The following EPB41 variants were observed in gnomAD, a reference collection of about 807,000 sequenced individuals.
EPB41 encodes the protein erythrocyte membrane protein band 4.1, also known as protein 4.1.
In EPB41, 65 loss-of-function variants were observed where a neutral mutation model predicts 108.0. The observed-to-expected ratio is 0.60, with a 90% CI of 0.49 to 0.74. EPB41 has a LOEUF of 0.74. Among genes scored for constraint, EPB41 ranks in the 30% least tolerant of loss-of-function variants. The pLI is 0.00. For synonymous variants in EPB41, 336 were observed against 358.9 expected (o/e 0.94, Z 0.72); for missense variants, 875 against 1,037.0 (o/e 0.84, Z 2.15).
At chr1:28,902,147 T>A (rs1486907724) in intron 1 of EPB41, 3 of 977,746 alleles carry the variant, frequency 3.1e-6, no homozygotes, top group African/African-American at 3.5e-5. Context: ...CACAGTAGAA[T>A]CTCAATAAAT....
intron 7 of EPB41, among the ~76,000 whole-genome samples, chr1:29,022,195 G>A (rs1449249343): frequency 6.6e-6 from 1 of 151,904 alleles, no homozygotes; most frequent in Admixed American, 6.6e-5. Flanking sequence ...ATAACTTGGT[G>A]AACAAGTATT....
chr1:28,889,779 A>G, intron 1 of EPB41: 7 of 985,018 alleles, frequency 7.1e-6, no homozygotes, highest in Non-Finnish European at 8.4e-6. Context: ...CAGGTGTGGA[A>G]CCAAACCGAG....
At chr1:28,914,012 A>G (rs1380418098), upstream of EPB41, among the ~76,000 whole-genome samples, 2 of 152,170 alleles carry the variant, frequency 1.3e-5, no homozygotes, top group Non-Finnish European at 2.9e-5. Context: ...ACGAGAGGTA[A>G]AGTCTCATCG....
chr1:28,961,884 G>T (rs542257620), intron 1 of EPB41, among the ~76,000 whole-genome samples: 1 of 152,078 alleles, frequency 6.6e-6, no homozygotes, highest in East Asian at 1.9e-4. Flanking sequence ...GAGCAAACTG[G>T]TTCCTCCTCT....
Position 28,887,589 on chromosome 1 carries a change from C to T in EPB41, c.-8+379C>T. ...CGGCCGCCCCCTAGCCCCGCCTTGC[C>T]CGGCCCCGCATGCTCCTGCCGGGCC... is the stretch of plus-strand genomic sequence containing the variant. On this transcript the variant is annotated intron_variant, in intron 1 of 16. Coordinates refer to the EPB41 transcript ENST00000347529. The surrounding 1 kb of genome is among the most constrained non-coding windows in gnomAD (Gnocchi z 4.9). The T allele has an allele frequency of 2.0e-6, 2 of 985,264 alleles. No individual in the cohort carries two copies. The highest frequency in any genetic ancestry group is 1.1e-4 in the East Asian group (1 of 8,788). The allele number at this position is 985,264 out of a possible 1,614,324, so 61.0% of individuals were successfully genotyped here. A position where few individuals can be genotyped will look rare whatever the true frequency, so the allele number is the denominator to read the frequency against.
chr1:29,011,362 CT>C (rs2096497763), intron 4 of EPB41, among the ~76,000 whole-genome samples: 1 of 147,870 alleles, frequency 6.8e-6, no homozygotes, highest in African/African-American at 2.5e-5. Context: ...GAGACTCCTT[CT>C]CAAAAAGAAA....
At chr1:29,041,147 T>TTAAA (rs35491137) in intron 11 of EPB41, 44,316 of 140,902 alleles carry the variant, frequency 0.31, 7,430 homozygotes, top group Non-Finnish European at 0.37. Flanking sequence ...AATAAATAAA[T>TTAAA]TAAATAAATA....
intron 16 of EPB41, chr1:29,096,465 G>A: frequency 1.0e-6 from 1 of 985,906 alleles, no homozygotes; most frequent in Non-Finnish European, 1.2e-6. Flanking sequence ...CCAGCTTCCT[G>A]TCAGCTGCAA....
At chr1:29,061,579 T>G (rs1187466883) in intron 15 of EPB41, among the ~76,000 whole-genome samples, 3 of 134,470 alleles carry the variant, frequency 2.2e-5, no homozygotes, top group Non-Finnish European at 3.2e-5. Flanking sequence ...TTTGTTTTTT[T>G]TTTTTTTTTT....
chr1:29,052,833 C>G (rs1396217796), intron 11 of EPB41, among the ~76,000 whole-genome samples: 4 of 151,988 alleles, frequency 2.6e-5, no homozygotes, highest in Admixed American at 2.6e-4. Context: ...TATTTCTTTT[C>G]TTTGATCTTG....
intron 8 of EPB41, among the ~76,000 whole-genome samples, chr1:29,032,574 C>T (rs1031888168): frequency 6.6e-6 from 1 of 152,046 alleles, no homozygotes; most frequent in African/African-American, 2.4e-5. Flanking sequence ...TAGGGACTAA[C>T]TTAGGTGAAA....
intron 1 of EPB41, among the ~76,000 whole-genome samples, chr1:28,969,145 C>T (rs988613662): frequency 2.7e-5 from 4 of 150,272 alleles, no homozygotes; most frequent in African/African-American, 9.8e-5. Context: ...GGTGCAGTGG[C>T]ACAGTCTCAG....
At chr1:29,001,109 G>C (rs1256328644) in intron 4 of EPB41, among the ~76,000 whole-genome samples, 1 of 151,996 alleles carries the variant, frequency 6.6e-6, no homozygotes, top group Non-Finnish European at 1.5e-5. Context: ...AGGCTGAACT[G>C]GGTGGATCAC....
At chr1:28,969,084 CTT>C (rs35558417) in intron 1 of EPB41, among the ~76,000 whole-genome samples, 43 of 134,508 alleles carry the variant, frequency 3.2e-4, no homozygotes, top group South Asian at 4.9e-4. Flanking sequence ...TCATGCCGTA[CTT>C]TTTTTTTTTT....
At chr1:28,952,405 A>G (rs1384413541) in intron 1 of EPB41, among the ~76,000 whole-genome samples, 1 of 152,082 alleles carries the variant, frequency 6.6e-6, no homozygotes, top group Non-Finnish European at 1.5e-5. Context: ...GCCTGCCTTT[A>G]ATCCCAGCTA....
In EPB41 at chr1:29,053,267, CGAGCCACCTGAGCAAGCT is replaced by C. The variant is rs1417650917; in HGVS notation, c.1807_1824del (p.Pro603_Pro608del). 6.2e-7 allele frequency: 1 copy of C among 1,614,108 alleles called. No individual in the cohort carries two copies. The highest frequency in any genetic ancestry group is 1.3e-5 in the African/African-American group (1 of 75,032). ...TGAAGGCTGAAGTGAAAAAGGAAGA[CGAGCCACCTGAGCAAGCT>C]GAGCCAGAGCCCACAGAAGCATGGA... On this transcript the variant is annotated inframe_deletion, in exon 12 of 21. Coordinates refer to ENST00000343067, the MANE Select transcript of EPB41 (RefSeq NM_001376013.1).
rs1400100252 is a variant in EPB41, at chr1:28,987,672, C to G, written c.235C>G (p.Leu79Val). 6.2e-7 allele frequency: 1 copy of G among 1,614,234 alleles called. No individual in the cohort carries two copies. The highest frequency in any genetic ancestry group is 1.1e-5 in the South Asian group (1 of 91,088). ...NKERTSESRGLSRLFSSFLKR... is the reference protein window; with the variant it reads ...NKERTSESRGVSRLFSSFLKR... Reference sequence around the variant, plus strand: ...GGAGCGGACATCAGAAAGCAGAGGACTTTCACGACTATTCTCCTCGTTTCT... The same window carrying G: ...GGAGCGGACATCAGAAAGCAGAGGAGTTTCACGACTATTCTCCTCGTTTCT... Residue 79 changes from leucine (L) to valine (V), a missense_variant, in exon 2 of 21, where the codon CTT becomes GTT. Leu to Val is a conservative substitution (Grantham distance 32). Transcript: ENST00000343067.
intron 16 of EPB41, among the ~76,000 whole-genome samples, chr1:29,093,644 T>C (rs1421877224): frequency 6.6e-6 from 1 of 152,294 alleles, no homozygotes; most frequent in Non-Finnish European, 1.5e-5. Flanking sequence ...CTGTGGCTCA[T>C]GCCTGTAATC....
At chr1:28,908,674 C>T (rs1021330357) in intron 1 of EPB41, among the ~76,000 whole-genome samples, 8 of 150,506 alleles carry the variant, frequency 5.3e-5, no homozygotes. Context: ...TCGTGATCCA[C>T]CCGCCTCGGC....
Sources: gnomAD v4.1 joint callset for allele counts (sites outside exome capture counted in the v4.1 genomes callset) on GRCh38, gnomAD v4.1.1 for gene constraint, Gnocchi (gnomAD v3.1) non-coding constraint, MANE v1.5 for transcripts, NCBI Gene and HGNC (gene_info 2026-07-23, HGNC 2026-07-21) for gene names.